The following NEK7 variants were observed in gnomAD, a reference collection of about 807,000 sequenced individuals.
NEK7 encodes the protein NIMA related kinase 7, also known as serine/threonine-protein kinase Nek7.
In NEK7, 18 loss-of-function variants were observed where a neutral mutation model predicts 44.6. The ratio of observed to expected loss-of-function variants is 0.40; its 90% CI spans 0.28 to 0.60. The LOEUF is 0.60. NEK7 is among the 20% of genes least tolerant of loss of function. The pLI, the probability that NEK7 is intolerant of heterozygous loss-of-function variation, is 0.38. For missense variants in NEK7, 256 were observed against 366.5 expected, an observed-to-expected ratio of 0.70 and a Z score of 2.46; for synonymous variants, 130 against 121.1, an observed-to-expected ratio of 1.07 and a Z score of -0.48.
At chr1:198,271,229 C>A (rs531549668) in intron 5 of NEK7, among the ~76,000 whole-genome samples, 2 of 151,994 alleles carry the variant, frequency 1.3e-5, no homozygotes, top group African/African-American at 4.8e-5. Context: ...TAGGGACCTT[C>A]ATTACATCTG....
chr1:198,178,558 T>G (rs2102737374), intron 1 of NEK7, among the ~76,000 whole-genome samples: 1 of 152,184 alleles, frequency 6.6e-6, no homozygotes, highest in Middle Eastern at 3.4e-3. Flanking sequence ...GGGTACTCTT[T>G]TGGGGTTTAC....
intron 1 of NEK7, among the ~76,000 whole-genome samples, chr1:198,172,699 T>C (rs1664485202): frequency 6.6e-6 from 1 of 152,184 alleles, no homozygotes; most frequent in Admixed American, 6.5e-5. Context: ...AGAGTTGAAA[T>C]GTTCTAAGAT....
chr1:198,184,084 T>A (rs564236584), intron 1 of NEK7, among the ~76,000 whole-genome samples: 1 of 152,200 alleles, frequency 6.6e-6, no homozygotes. Flanking sequence ...TATAATGAGA[T>A]TTGTACATGC....
chr1:198,163,100 A>G (rs1664157325), intron 1 of NEK7, among the ~76,000 whole-genome samples: 2 of 152,174 alleles, frequency 1.3e-5, no homozygotes, highest in African/African-American at 4.8e-5. Flanking sequence ...ATGGTTGGAA[A>G]AGTTGAATAG....
intron 1 of NEK7, among the ~76,000 whole-genome samples, chr1:198,210,419 C>T (rs1665727638): frequency 6.6e-6 from 1 of 152,018 alleles, no homozygotes; most frequent in Non-Finnish European, 1.5e-5. Flanking sequence ...ATCTAGTGTT[C>T]TATTTTATGT....
At chr1:198,260,299 T>C (rs564629307) in intron 3 of NEK7, among the ~76,000 whole-genome samples, 1 of 152,282 alleles carries the variant, frequency 6.6e-6, no homozygotes, top group South Asian at 2.1e-4. Flanking sequence ...TCCATTTATA[T>C]CTAGCTCATT....
intron 2 of NEK7, among the ~76,000 whole-genome samples, chr1:198,249,718 A>G (rs1399540125): frequency 2.0e-5 from 3 of 146,352 alleles, no homozygotes; most frequent in Non-Finnish European, 4.5e-5. Flanking sequence ...TCCTTCACCC[A>G]CTTTTTGATG....
intron 1 of NEK7, among the ~76,000 whole-genome samples, chr1:198,184,333 T>C (rs1026117089): frequency 1.3e-5 from 2 of 152,142 alleles, no homozygotes; most frequent in Non-Finnish European, 2.9e-5. Context: ...CTTGAAGGGG[T>C]AGATTTACAG....
At chr1:198,172,397 A>T (rs977098508) in intron 1 of NEK7, among the ~76,000 whole-genome samples, 1 of 152,224 alleles carries the variant, frequency 6.6e-6, no homozygotes, top group Non-Finnish European at 1.5e-5. Flanking sequence ...TTCACCAAAG[A>T]TAAAGAGCTC....
intron 9 of NEK7, among the ~76,000 whole-genome samples, chr1:198,304,436 G>T (rs1379454820): frequency 6.6e-6 from 1 of 152,060 alleles, no homozygotes; most frequent in South Asian, 2.1e-4. Flanking sequence ...ACCCACTTTG[G>T]GGTGCTAAAA....
chr1:198,319,324 T>C (rs2103051300), intron 9 of NEK7, 88 bp from the exon 10 acceptor site: 1 of 755,448 alleles, frequency 1.3e-6, no homozygotes, highest in East Asian at 2.5e-5. Flanking sequence ...CCTTGTAAAA[T>C]CTATAGCTAT....
intron 2 of NEK7, among the ~76,000 whole-genome samples, chr1:198,244,357 CATA>C (rs1341101988): frequency 1.3e-5 from 2 of 152,088 alleles, no homozygotes; most frequent in African/African-American, 2.4e-5. Context: ...GGATTATCAT[CATA>C]ATGTTATCCT....
intron 5 of NEK7, among the ~76,000 whole-genome samples, chr1:198,272,049 T>C (rs1431382951): frequency 6.6e-6 from 1 of 151,308 alleles, no homozygotes; most frequent in African/African-American, 2.4e-5. Context: ...GTGTGTTGTA[T>C]AGAATTATTT....
intron 2 of NEK7, among the ~76,000 whole-genome samples, chr1:198,252,532 A>ATC (rs1650729223): frequency 1.9e-5 from 1 of 52,356 alleles, no homozygotes; most frequent in Non-Finnish European, 3.0e-5. Context: ...CACATACTAT[A>ATC]TATATATATA....
At chr1:198,270,606 A>G (rs191651707) in intron 5 of NEK7, among the ~76,000 whole-genome samples, 15 of 152,232 alleles carry the variant, frequency 9.9e-5, no homozygotes, top group Non-Finnish European at 1.6e-4. Context: ...GGTATAGGCT[A>G]TCTTCTTAGA....
chr1:198,183,836 T>C (rs1301535316), intron 1 of NEK7, among the ~76,000 whole-genome samples: 1 of 152,216 alleles, frequency 6.6e-6, no homozygotes, highest in Non-Finnish European at 1.5e-5. Flanking sequence ...ACTCGAGACG[T>C]TTTTAATGGT....
intron 1 of NEK7, among the ~76,000 whole-genome samples, chr1:198,220,608 T>C (rs1038768313): frequency 6.6e-6 from 1 of 152,084 alleles, no homozygotes; most frequent in African/African-American, 2.4e-5. Context: ...TGCTTGATTA[T>C]GGGAAGTACT....
At chr1:198,169,509 A>C (rs1049843915) in intron 1 of NEK7, among the ~76,000 whole-genome samples, 1 of 151,836 alleles carries the variant, frequency 6.6e-6, no homozygotes, top group African/African-American at 2.4e-5. Flanking sequence ...ATGGAGCCCC[A>C]CTTGATCCTC....
At chr1:198,249,865 GC>G (rs1425684656) in intron 2 of NEK7, among the ~76,000 whole-genome samples, 1 of 144,648 alleles carries the variant, frequency 6.9e-6, no homozygotes, top group East Asian at 2.2e-4. Flanking sequence ...AGTTTCTTTT[GC>G]TGTGCTCTTT....
Sources: allele counts gnomAD v4.1 joint callset (sites outside exome capture counted in the v4.1 genomes callset), GRCh38; gene constraint gnomAD v4.1.1; transcripts MANE v1.5; gene names NCBI Gene and HGNC (gene_info 2026-07-23, HGNC 2026-07-21).